XCR1: variants seen among roughly 807,000 people sequenced by gnomAD.
XCR1 encodes X-C motif chemokine receptor 1, also known as chemokine XC receptor 1.
For synonymous variants in XCR1, 187 were observed against 188.5 expected (o/e 0.99, Z 0.06); for missense variants, 356 against 424.2 (o/e 0.84, Z 1.41).
At chr3:46,066,899 T>A (rs1011761261) in exon 4 of XCR1, among the ~76,000 whole-genome samples, 1 of 152,212 alleles carries the variant, frequency 6.6e-6, no homozygotes, top group African/African-American at 2.4e-5. Context: ...AGATACTTAC[T>A]ACATAGATGG....
chr3:46,033,417 A>G (rs1034862970), intron 5 of XCR1, among the ~76,000 whole-genome samples: 1 of 152,214 alleles, frequency 6.6e-6, no homozygotes, highest in Non-Finnish European at 1.5e-5. Flanking sequence ...CAATTGTTCT[A>G]GCACCACTTG....
intron 5 of XCR1, among the ~76,000 whole-genome samples, chr3:46,041,842 T>A (rs1697541787): frequency 6.6e-6 from 1 of 152,222 alleles, no homozygotes; most frequent in South Asian, 2.1e-4. Context: ...GCTTCCTTGC[T>A]ACTCCCTAGT....
intron 1 of XCR1, among the ~76,000 whole-genome samples, chr3:46,079,039 G>T (rs1324830764): frequency 6.6e-6 from 1 of 152,120 alleles, no homozygotes; most frequent in Non-Finnish European, 1.5e-5. Context: ...ATGACTTTTG[G>T]GTGACACCTA....
chr3:46,061,900 C>A (rs1030561900), intron 4 of XCR1, among the ~76,000 whole-genome samples: 1 of 152,106 alleles, frequency 6.6e-6, no homozygotes, highest in Non-Finnish European at 1.5e-5. Context: ...AGGTCCAGCA[C>A]TGTGGGCAAA....
chr3:46,064,163 G>T (rs1468814519), intron 4 of XCR1, among the ~76,000 whole-genome samples: 2 of 152,184 alleles, frequency 1.3e-5, no homozygotes, highest in Non-Finnish European at 2.9e-5. Flanking sequence ...GTAAGCCAAT[G>T]TGTCTGGCCC....
rs753331733 is a variant in XCR1, at chr3:46,021,543, GA to G, written c.404del (p.Leu135ProfsTer15). On this transcript the variant is annotated frameshift_variant, in exon 2 of 2. Coordinates refer to ENST00000309285, the MANE Select transcript of XCR1 (RefSeq NM_001024644.2). LOFTEE classifies it low-confidence loss of function (END_TRUNC). The surrounding 1 kb of genome is among the most constrained non-coding windows in gnomAD (Gnocchi z 4.7). ...IHRYLSVVSPLSTLRVPTLRC... is the reference protein window; with the variant it reads ...IHRYLSVVSPXSTLRVPTLRC... ...GGAGGGTGGGGACGCGCAGGGTGGA[GA>G]GGGGGCTCACTACCGACAGGTAGCG... 27 of 1,610,968 alleles carry G rather than the reference GA, an allele frequency of 1.7e-5. No individual in the cohort carries two copies. The highest frequency in any genetic ancestry group is 1.6e-4 in the Middle Eastern group (1 of 6,074).
At chr3:46,081,984 A>G (rs1698375442) in intron 1 of XCR1, among the ~76,000 whole-genome samples, 1 of 152,200 alleles carries the variant, frequency 6.6e-6, no homozygotes, top group Non-Finnish European at 1.5e-5. Context: ...GATGTCGAAT[A>G]AAAGATTCCT....
At chr3:46,076,369 G>A (rs539279936) in intron 2 of XCR1, among the ~76,000 whole-genome samples, 11 of 152,138 alleles carry the variant, frequency 7.2e-5, no homozygotes, top group South Asian at 2.1e-4. Flanking sequence ...AATCTGGGCC[G>A]TTCCTACTTC....
At chr3:46,082,527 G>A (rs1454429376) in intron 1 of XCR1, among the ~76,000 whole-genome samples, 1 of 99,680 alleles carries the variant, frequency 1.0e-5, no homozygotes, top group Non-Finnish European at 1.8e-5. Flanking sequence ...GTTTTGCTCT[G>A]TTGCCCATGC....
intron 4 of XCR1, among the ~76,000 whole-genome samples, chr3:46,061,582 A>C (rs1430502752): frequency 6.6e-6 from 1 of 152,204 alleles, no homozygotes; most frequent in Admixed American, 6.5e-5. Context: ...GATGTTGCTC[A>C]ACTTCCTTGC....
chr3:46,078,423 T>C (rs1698298937), intron 1 of XCR1, among the ~76,000 whole-genome samples: 1 of 152,162 alleles, frequency 6.6e-6, no homozygotes, highest in African/African-American at 2.4e-5. Flanking sequence ...TCCCATTTTT[T>C]GGTTGAAGGT....
intron 5 of XCR1, among the ~76,000 whole-genome samples, chr3:46,050,435 G>A (rs574020429): frequency 6.6e-6 from 1 of 152,238 alleles, no homozygotes; most frequent in South Asian, 2.1e-4. Context: ...TACTTCCTAA[G>A]TATTGGTATG....
intron 4 of XCR1, among the ~76,000 whole-genome samples, chr3:46,058,698 G>A (rs949342437): frequency 3.9e-5 from 6 of 151,996 alleles, no homozygotes; most frequent in Non-Finnish European, 8.8e-5. Context: ...TGAATAGCTG[G>A]GACTATAGAC....
rs80301597 is a variant in XCR1, at chr3:46,020,690, G to T, written c.*256C>A. Reference sequence around the variant, plus strand: ...GAAACACATGTCTAAATGAAGGAGCGTGCAAGATGAACTCAGAGTTCAAGA... The same window carrying T: ...GAAACACATGTCTAAATGAAGGAGCTTGCAAGATGAACTCAGAGTTCAAGA... On this transcript the variant is annotated 3_prime_UTR_variant, in exon 2 of 2. Coordinates refer to ENST00000309285, the MANE Select transcript of XCR1 (RefSeq NM_001024644.2). 1.5e-4 allele frequency: 80 copies of T among 544,318 alleles called. 1 individual carries two copies. The highest frequency in any genetic ancestry group is 1.4e-3 in the Middle Eastern group (3 of 2,070). The allele number at this position is 544,318 out of a possible 1,614,324, so 33.7% of individuals were successfully genotyped here. A position where few individuals can be genotyped will look rare whatever the true frequency, so the allele number is the denominator to read the frequency against.
rs1708158995 is a variant in XCR1, at chr3:46,021,783, G to A, written c.165C>T (p.Val55=). 2 of 1,613,970 alleles carry A rather than the reference G, an allele frequency of 1.2e-6. No homozygotes were observed. The highest frequency in any genetic ancestry group is 1.3e-5 in the African/African-American group (1 of 74,878). ...SLVGNSLVLW[V]LVKYESLESL... ...ACTCCAGGCTCTCATACTTCACCAG[G>A]ACCCACAGGACCAGGCTGTTGCCCA... The change falls in exon 2 of 2, where the codon GTC becomes GTT. Residue 55 remains valine (V), a synonymous_variant. Coordinates refer to ENST00000309285, the MANE Select transcript of XCR1 (RefSeq NM_001024644.2). The surrounding 1 kb of genome is among the most constrained non-coding windows in gnomAD (Gnocchi z 4.7).
chr3:46,084,749 A>C (rs996541896), intron 1 of XCR1, among the ~76,000 whole-genome samples: 1 of 152,242 alleles, frequency 6.6e-6, no homozygotes, highest in Non-Finnish European at 1.5e-5. Flanking sequence ...CACTGGGCAC[A>C]CAAAGACATA....
intron 1 of XCR1, among the ~76,000 whole-genome samples, chr3:46,079,327 G>T (rs753976633): frequency 3.3e-5 from 5 of 152,052 alleles, no homozygotes; most frequent in Non-Finnish European, 7.4e-5. Context: ...TCATTTGTGT[G>T]CACAATAGAG....
At chr3:46,078,417 A>G (rs1023598226) in intron 1 of XCR1, among the ~76,000 whole-genome samples, 1 of 152,000 alleles carries the variant, frequency 6.6e-6, no homozygotes, top group African/African-American at 2.4e-5. Flanking sequence ...GGCCTTTCCC[A>G]TTTTTTGGTT....
At chr3:46,034,303 G>T (rs2125896277) in intron 5 of XCR1, among the ~76,000 whole-genome samples, 1 of 152,250 alleles carries the variant, frequency 6.6e-6, no homozygotes, top group East Asian at 1.9e-4. Flanking sequence ...CAAGTCTTTT[G>T]TATATTAGCC....
Sources: allele counts gnomAD v4.1 joint callset (sites outside exome capture counted in the v4.1 genomes callset), GRCh38; gene constraint gnomAD v4.1.1; non-coding constraint Gnocchi (gnomAD v3.1); transcripts MANE v1.5; gene names NCBI Gene and HGNC (gene_info 2026-07-23, HGNC 2026-07-21).